DUSP14: variants seen among roughly 807,000 people sequenced by gnomAD.
DUSP14 encodes dual specificity protein phosphatase 14.
DUSP14 carries 5 observed loss-of-function variants against 13.2 expected under a neutral mutation model. The observed-to-expected ratio is 0.38, with a 90% CI of 0.20 to 0.80. The LOEUF (loss-of-function observed/expected upper bound fraction) is 0.80, where lower values mean the gene tolerates loss of function less well. DUSP14 is among the 30% of genes least tolerant of loss of function. The pLI, the probability that DUSP14 is intolerant of heterozygous loss-of-function variation, is 0.44. For synonymous variants in DUSP14, 91 were observed against 103.4 expected (o/e 0.88, Z 0.73); for missense variants, 185 against 264.0 (o/e 0.70, Z 2.07).
At chr17:37,497,795 A>G (rs1340149105) in intron 1 of DUSP14, among the ~76,000 whole-genome samples, 2 of 150,662 alleles carry the variant, frequency 1.3e-5, no homozygotes, top group African/African-American at 2.4e-5. Flanking sequence ...CATGCCTACA[A>G]TCCCAGCACT....
rs2054193458 is a variant in DUSP14, at chr17:37,512,178, C to T, written c.-92-3C>T. 3 of 998,118 alleles carry T rather than the reference C, an allele frequency of 3.0e-6. No individual in the cohort carries two copies. The highest frequency in any genetic ancestry group is 2.3e-5 in the Admixed American group (1 of 43,640). 61.8% of individuals were successfully genotyped at this position (998,118 alleles called of 1,614,324 possible). On this transcript the variant is annotated splice_polypyrimidine_tract_variant and splice_region_variant and intron_variant, in intron 2 of 2. Coordinates refer to ENST00000617516, the MANE Select transcript of DUSP14 (RefSeq NM_007026.4). The surrounding 1 kb of genome is among the most constrained non-coding windows in gnomAD (Gnocchi z 4.8). ...AGTACTGACACATACCTGTATTTTG[C>T]AGGAAGGAGACTCTAATTTTGGATT...
intron 1 of DUSP14, among the ~76,000 whole-genome samples, chr17:37,498,752 T>C (rs2054085936): frequency 6.6e-6 from 1 of 151,950 alleles, no homozygotes; most frequent in Non-Finnish European, 1.5e-5. Flanking sequence ...ACAGGAGATA[T>C]TTTTTCCACA....
At chr17:37,494,780 A>C (rs556322364) in intron 1 of DUSP14, among the ~76,000 whole-genome samples, 4 of 152,330 alleles carry the variant, frequency 2.6e-5, no homozygotes, top group Non-Finnish European at 5.9e-5. Context: ...GGTTTACAAA[A>C]TACCTCAGGG....
chr17:37,509,890 A>C (rs1335324278), intron 1 of DUSP14: 1 of 152,130 alleles, frequency 6.6e-6, no homozygotes, highest in African/African-American at 2.4e-5. Context: ...TATGTCAAGA[A>C]CACCTCAACA....
intron 1 of DUSP14, among the ~76,000 whole-genome samples, chr17:37,496,677 T>C (rs975903736): frequency 2.0e-5 from 3 of 152,010 alleles, no homozygotes; most frequent in African/African-American, 7.3e-5. Flanking sequence ...TGCTTGAACC[T>C]GGGAGGCGGA....
chr17:37,490,991 A>G (rs1461445619), intron 1 of DUSP14, among the ~76,000 whole-genome samples: 2 of 152,300 alleles, frequency 1.3e-5, no homozygotes, highest in East Asian at 1.9e-4. Flanking sequence ...CTGACATTCT[A>G]CAGATCACTT....
intron 1 of DUSP14, among the ~76,000 whole-genome samples, chr17:37,506,935 C>T (rs1008497968): frequency 2.0e-5 from 3 of 151,424 alleles, no homozygotes; most frequent in Non-Finnish European, 4.4e-5. Context: ...CAGATCCACA[C>T]CCCCCCGCGT....
intron 1 of DUSP14, among the ~76,000 whole-genome samples, chr17:37,506,162 G>A (rs1466520160): frequency 3.9e-5 from 6 of 152,098 alleles, no homozygotes; most frequent in African/African-American, 1.4e-4. Context: ...CTACTCGGGA[G>A]GCTGAGGCAG....
intron 1 of DUSP14, among the ~76,000 whole-genome samples, chr17:37,490,200 TGCGCCCCCTGCC>T (rs1472401356): frequency 6.9e-6 from 1 of 145,844 alleles, no homozygotes; most frequent in Non-Finnish European, 1.5e-5. Flanking sequence ...GCCCTGAGCG[TGCGCCCCCTGCC>T]GCTCCCCCGC....
chr17:37,500,968 T>C (rs2054101141), intron 1 of DUSP14, among the ~76,000 whole-genome samples: 1 of 152,102 alleles, frequency 6.6e-6, no homozygotes, highest in South Asian at 2.1e-4. Flanking sequence ...AATGTACATT[T>C]TGGTAGACTT....
chr17:37,512,973 C>G lies in DUSP14; in HGVS notation c.*104C>G. 2.9e-6 allele frequency: 3 copies of G among 1,023,776 alleles called. No homozygotes were observed. The South Asian group carries it at 4.9e-5, about 17-fold the overall frequency. The allele number at this position is 1,023,776 out of a possible 1,614,324, so 63.4% of individuals were successfully genotyped here. On this transcript the variant is annotated 3_prime_UTR_variant, in exon 3 of 3. Transcript: ENST00000617516. The surrounding 1 kb of genome is among the most constrained non-coding windows in gnomAD (Gnocchi z 4.8). ...TCAAATGGCTGACTTCTGGTTCTCC[C>G]TCAAGTGTTTTTTACACTGGGTGTT...
chr17:37,498,735 A>T (rs1365784539), intron 1 of DUSP14, among the ~76,000 whole-genome samples: 29 of 150,710 alleles, frequency 1.9e-4, no homozygotes. Context: ...TTATCCTCCT[A>T]GAAAGTACAG....
intron 1 of DUSP14, among the ~76,000 whole-genome samples, chr17:37,503,305 G>A (rs1222662345): frequency 6.6e-6 from 1 of 152,142 alleles, no homozygotes; most frequent in Non-Finnish European, 1.5e-5. Flanking sequence ...CACACCTGTG[G>A]TTCCAGCAAC....
intron 1 of DUSP14, among the ~76,000 whole-genome samples, chr17:37,492,779 T>C: frequency 6.6e-6 from 1 of 152,146 alleles, no homozygotes; most frequent in South Asian, 2.1e-4. Flanking sequence ...GTAACTGTCT[T>C]GCAGGTCAAG....
intron 1 of DUSP14, among the ~76,000 whole-genome samples, chr17:37,509,708 G>A (rs1275652214): frequency 6.6e-6 from 1 of 152,060 alleles, no homozygotes; most frequent in African/African-American, 2.4e-5. Context: ...AAGATCAGTG[G>A]TTGCCTGGGA....
intron 1 of DUSP14, among the ~76,000 whole-genome samples, chr17:37,506,891 C>T (rs1050115071): frequency 6.6e-6 from 1 of 152,178 alleles, no homozygotes; most frequent in Non-Finnish European, 1.5e-5. Flanking sequence ...TGGGCTTAGC[C>T]TTTCTGTAAG....
upstream of DUSP14, among the ~76,000 whole-genome samples, chr17:37,489,672 G>C (rs1014316845): frequency 1.8e-4 from 28 of 151,834 alleles, no homozygotes; most frequent in Admixed American, 1.6e-3. Flanking sequence ...GAGCGCTCTA[G>C]GGGAGGCTGC....
chr17:37,498,127 C>G (rs574282534), intron 1 of DUSP14, among the ~76,000 whole-genome samples: 1 of 151,258 alleles, frequency 6.6e-6, no homozygotes, highest in Non-Finnish European at 1.5e-5. Context: ...GGATGGAACT[C>G]TTAGAGCATT....
At chr17:37,492,613 A>G (rs1234789925) in intron 1 of DUSP14, among the ~76,000 whole-genome samples, 1 of 152,260 alleles carries the variant, frequency 6.6e-6, no homozygotes, top group Non-Finnish European at 1.5e-5. Context: ...TGAAGCTGAC[A>G]GGCAAATAGT....
Sources: allele counts gnomAD v4.1 joint callset (sites outside exome capture counted in the v4.1 genomes callset), GRCh38; gene constraint gnomAD v4.1.1; non-coding constraint Gnocchi (gnomAD v3.1); transcripts MANE v1.5; gene names NCBI Gene and HGNC (gene_info 2026-07-23, HGNC 2026-07-21).